FBXO25: variants seen among roughly 807,000 people sequenced by gnomAD.
FBXO25 encodes F-box only protein 25.
Under a neutral mutation model 51.9 loss-of-function variants are expected in FBXO25, and 45 were observed. The ratio of observed to expected loss-of-function variants is 0.87; its 90% confidence interval spans 0.68 to 1.11. FBXO25 has a LOEUF of 1.11. Ranked by LOEUF, FBXO25 falls within the 50% of genes most tolerant of loss-of-function variation. The pLI, the probability that FBXO25 is intolerant of heterozygous loss-of-function variation, is 0.00. For synonymous variants in FBXO25, 199 were observed against 151.0 expected (o/e 1.32, Z -2.33); for missense variants, 507 against 428.5 (o/e 1.18, Z -1.62).
intron 5 of FBXO25, among the ~76,000 whole-genome samples, chr8:446,507 G>A (rs1036894702): frequency 3.3e-5 from 5 of 152,068 alleles, no homozygotes; most frequent in East Asian, 1.9e-4. Context: ...AATCGCATCC[G>A]CCAGTCCAGC....
chr8:456,179 G>T (rs1426772484), intron 7 of FBXO25, among the ~76,000 whole-genome samples: 1 of 152,178 alleles, frequency 6.6e-6, no homozygotes, highest in African/African-American at 2.4e-5. Flanking sequence ...TTAGTTAGGG[G>T]TTAATTTACT....
At chr8:418,126 T>C (rs1198353654) in intron 2 of FBXO25, among the ~76,000 whole-genome samples, 1 of 152,132 alleles carries the variant, frequency 6.6e-6, no homozygotes, top group Non-Finnish European at 1.5e-5. Flanking sequence ...GAAATGCATC[T>C]GTGTGCCTTG....
intron 7 of FBXO25, among the ~76,000 whole-genome samples, chr8:452,747 A>G (rs556440810): frequency 6.6e-6 from 1 of 152,268 alleles, no homozygotes; most frequent in East Asian, 1.9e-4. Context: ...TTGGAGAGAG[A>G]TGTGGAGCCA....
At position 473,807 on chromosome 8, in the gene FBXO25, C is replaced by G. The variant is rs531138577; in HGVS notation, c.*5003C>G. 2 of 152,236 alleles carry G rather than the reference C, an allele frequency of 1.3e-5. No individual in the cohort carries two copies. The highest frequency in any genetic ancestry group is 2.1e-4 in the South Asian group (1 of 4,810). 9.4% of individuals were successfully genotyped at this position (152,236 alleles called of 1,614,324 possible). On this transcript the variant is annotated 3_prime_UTR_variant, in exon 10 of 10. Transcript: ENST00000350302. ...CAAATAGAAGAGACACCTCAACTGTCTCGTTTTTGCATGGAAATTTCATTT... is the reference window on the plus strand; with the variant it reads ...CAAATAGAAGAGACACCTCAACTGTGTCGTTTTTGCATGGAAATTTCATTT...
chr8:472,472 C>G lies in FBXO25; in HGVS notation c.*3668C>G, dbSNP rs969358157. 6.6e-6 allele frequency: 1 copy of G among 152,246 alleles called. No individual in the cohort carries two copies. Among genetic ancestry groups the G allele is most frequent in the African/African-American group, 2.4e-5 (1 of 41,444 alleles). The allele number at this position is 152,246 out of a possible 1,614,324, so 9.4% of individuals were successfully genotyped here. ...ATTTGGTGTGCTGGAACAGCCAGCC[C>G]TCTGTATCCACGGGGGATTGGTTCC... On this transcript the variant is annotated 3_prime_UTR_variant, in exon 10 of 10. Coordinates refer to ENST00000350302, the MANE Select transcript of FBXO25 (RefSeq NM_183420.2).
At chr8:409,559 A>G (rs188062181) in intron 1 of FBXO25, among the ~76,000 whole-genome samples, 4 of 152,328 alleles carry the variant, frequency 2.6e-5, no homozygotes, top group African/African-American at 7.2e-5. Context: ...TGTAAATGTT[A>G]TAAAGATTGT....
chr8:448,253 A>G (rs1412068656), intron 5 of FBXO25, among the ~76,000 whole-genome samples: 2 of 152,166 alleles, frequency 1.3e-5, no homozygotes, highest in African/African-American at 4.8e-5. Flanking sequence ...ACATTGTGAG[A>G]GGGCAAATTT....
At position 431,363 on chromosome 8, in the gene FBXO25, G is replaced by T. The variant is rs1797811548; in HGVS notation, c.157G>T (p.Glu53Ter). Residue 53 changes from glutamate (E) to a stop codon, truncating the protein, a stop_gained, in exon 3 of 10, where the codon GAA becomes TAA. Coordinates refer to ENST00000350302, the MANE Select transcript of FBXO25 (RefSeq NM_183420.2). LOFTEE classifies it high-confidence loss of function. Reference protein sequence around the residue: ...HSIILNSEDGEIFNNEEHEYA... With the variant: ...HSIILNSEDG ...CAGTATCTTAAATAGTGAAGATGGA[G>T]AAATATTCAATAATGAAGAGCATGA... is the stretch of plus-strand genomic sequence containing the variant. The T allele has an allele frequency of 6.6e-7, 1 of 1,525,044 alleles. No homozygotes were observed. The highest frequency in any genetic ancestry group is 8.8e-7 in the Non-Finnish European group (1 of 1,129,998). 94.5% of individuals were successfully genotyped at this position (1,525,044 alleles called of 1,614,324 possible).
intron 5 of FBXO25, among the ~76,000 whole-genome samples, chr8:442,333 G>T (rs1356210482): frequency 2.0e-5 from 3 of 151,276 alleles, no homozygotes; most frequent in African/African-American, 4.9e-5. Context: ...AGTTCTACTT[G>T]AAGTAGGAAC....
rs535561577 is a variant in FBXO25, at chr8:477,425, A to G, written c.*8621A>G. 8 of 152,262 alleles carry G rather than the reference A, an allele frequency of 5.3e-5. No homozygotes were observed. The highest frequency in any genetic ancestry group is 1.7e-4 in the African/African-American group (7 of 41,542). The allele number at this position is 152,262 out of a possible 1,614,324, so 9.4% of individuals were successfully genotyped here. On this transcript the variant is annotated 3_prime_UTR_variant, in exon 10 of 10. Transcript: ENST00000350302. ...GATTCTGTCAATGTTTGTTTCATATATTTTGGGCTCTGATGTTTGGTGCAT... is the reference window on the plus strand; with the variant it reads ...GATTCTGTCAATGTTTGTTTCATATGTTTTGGGCTCTGATGTTTGGTGCAT...
chr8:408,205 C>G (rs115348862), intron 1 of FBXO25, among the ~76,000 whole-genome samples: 2,163 of 152,120 alleles, frequency 0.014, 50 homozygotes, highest in African/African-American at 0.049. Flanking sequence ...AATAGGGAAA[C>G]ACATGTGGTC....
chr8:426,953 C>G (rs1420643785), intron 2 of FBXO25, among the ~76,000 whole-genome samples: 1 of 149,656 alleles, frequency 6.7e-6, no homozygotes, highest in East Asian at 2.0e-4. Flanking sequence ...TTTTTTTTAA[C>G]TTATATAAAA....
intron 5 of FBXO25, among the ~76,000 whole-genome samples, chr8:436,659 T>G (rs1359821938): frequency 1.3e-5 from 2 of 152,164 alleles, no homozygotes; most frequent in Non-Finnish European, 2.9e-5. Context: ...GTGTCCTCGA[T>G]AGGTACCTTT....
rs1207835120 is a variant in FBXO25 at position 468,808 on chromosome 8, C to A, written c.*4C>A. 2.5e-6 allele frequency: 4 copies of A among 1,613,468 alleles called. No individual in the cohort carries two copies. In the South Asian group the frequency reaches 4.4e-5, roughly 18 times the overall value. Reference sequence around the variant, plus strand: ...CATCGACCTCTTCAAGTTTTAAGGGCTGCCCCTGCCATCCCTATTGGAGAT... The same window carrying A: ...CATCGACCTCTTCAAGTTTTAAGGGATGCCCCTGCCATCCCTATTGGAGAT... On this transcript the variant is annotated 3_prime_UTR_variant, in exon 10 of 10. Transcript: ENST00000350302.
intron 9 of FBXO25, among the ~76,000 whole-genome samples, chr8:465,893 A>G (rs1038465308): frequency 2.0e-5 from 3 of 152,216 alleles, no homozygotes; most frequent in African/African-American, 2.4e-5. Flanking sequence ...GTAGCCTTCC[A>G]AAAGAATTTG....
At chr8:455,860 G>A (rs763868543) in intron 7 of FBXO25, among the ~76,000 whole-genome samples, 6 of 152,174 alleles carry the variant, frequency 3.9e-5, no homozygotes, top group Non-Finnish European at 5.9e-5. Context: ...GTCACATTTC[G>A]AGATTTCGTT....
intron 8 of FBXO25, among the ~76,000 whole-genome samples, chr8:461,356 A>T (rs1799797009): frequency 6.6e-6 from 1 of 152,240 alleles, no homozygotes; most frequent in Admixed American, 6.5e-5. Context: ...TCACAGTTTG[A>T]TGTGGCTGGG....
At chr8:418,630 G>A (rs930239554) in intron 2 of FBXO25, among the ~76,000 whole-genome samples, 17 of 152,082 alleles carry the variant, frequency 1.1e-4, no homozygotes, top group Non-Finnish European at 2.2e-4. Flanking sequence ...GTGAGCCACC[G>A]TTCCCGGCTT....
At chr8:447,395 C>G (rs549290601) in intron 5 of FBXO25, among the ~76,000 whole-genome samples, 39 of 152,220 alleles carry the variant, frequency 2.6e-4, no homozygotes, top group African/African-American at 8.4e-4. Flanking sequence ...GAGAAGGTGA[C>G]CGTCACCGCA....
Sources: gnomAD v4.1 joint callset for allele counts (sites outside exome capture counted in the v4.1 genomes callset) on GRCh38, gnomAD v4.1.1 for gene constraint, MANE v1.5 for transcripts, NCBI Gene and HGNC (gene_info 2026-07-23, HGNC 2026-07-21) for gene names.